Variants in GALNT13 observed in about 807,000 individuals in gnomAD.
GALNT13 encodes the protein polypeptide N-acetylgalactosaminyltransferase 13.
GALNT13 carries 28 observed loss-of-function variants against 64.2 expected under a neutral mutation model. The observed-to-expected ratio is 0.44, with a 90% CI of 0.32 to 0.60. GALNT13 has a LOEUF of 0.60. Among genes scored for constraint, GALNT13 ranks in the 20% least tolerant of loss-of-function variants. GALNT13 has a pLI of 0.05. For synonymous variants in GALNT13, 214 were observed against 224.6 expected, an observed-to-expected ratio of 0.95 and a Z score of 0.42; for missense variants, 577 against 669.8, an observed-to-expected ratio of 0.86 and a Z score of 1.53.
At chr2:153,680,590 G>C in the GALNT13 span, among the ~76,000 whole-genome samples, 1 of 151,822 alleles carries the variant, frequency 6.6e-6, no homozygotes, top group Non-Finnish European at 1.5e-5. Flanking sequence ...ATTGCCCATA[G>C]GCTGTCATAA....
intron 9 of GALNT13, among the ~76,000 whole-genome samples, chr2:154,376,642 C>T (rs887972654): frequency 1.3e-5 from 2 of 151,854 alleles, no homozygotes; most frequent in African/African-American, 4.8e-5. Flanking sequence ...CCAAAGAAAA[C>T]AAGCAAATTA....
chr2:154,033,866 G>T (rs368282707), intron 3 of GALNT13, among the ~76,000 whole-genome samples: 12 of 152,184 alleles, frequency 7.9e-5, no homozygotes, highest in African/African-American at 2.2e-4. Flanking sequence ...TTGAACCCGG[G>T]GGGTGGAGGT....
chr2:153,554,891 G>T, the GALNT13 span, among the ~76,000 whole-genome samples: 3 of 152,148 alleles, frequency 2.0e-5, no homozygotes, highest in African/African-American at 7.2e-5. Context: ...ATGTGTACGA[G>T]AGAAAATTTT....
chr2:153,400,794 T>G, the GALNT13 span, among the ~76,000 whole-genome samples: 1 of 152,084 alleles, frequency 6.6e-6, no homozygotes, highest in Non-Finnish European at 1.5e-5. Flanking sequence ...TTTTTTATTG[T>G]GTCTATTTGA....
At chr2:153,536,724 G>A in the GALNT13 span, among the ~76,000 whole-genome samples, 1 of 151,962 alleles carries the variant, frequency 6.6e-6, no homozygotes, top group African/African-American at 2.4e-5. Context: ...CTACTCTCAG[G>A]GTACTTACAC....
the GALNT13 span, among the ~76,000 whole-genome samples, chr2:153,556,200 A>G: frequency 6.4e-4 from 97 of 152,198 alleles, no homozygotes; most frequent in Non-Finnish European, 1.1e-3. Flanking sequence ...AGAATTACAT[A>G]TGATAGCCCA....
intron 1 of GALNT13, among the ~76,000 whole-genome samples, chr2:153,891,796 T>C (rs1687570073): frequency 6.6e-6 from 1 of 152,012 alleles, no homozygotes; most frequent in Admixed American, 6.6e-5. Flanking sequence ...TTCTTTAGCA[T>C]ATCATTCAAG....
the GALNT13 span, among the ~76,000 whole-genome samples, chr2:153,362,164 C>G: frequency 1.6e-4 from 24 of 152,084 alleles, no homozygotes; most frequent in Admixed American, 1.2e-3. Context: ...TTCAGACAAG[C>G]AAATATAGGG....
the GALNT13 span, among the ~76,000 whole-genome samples, chr2:153,411,230 T>A: frequency 2.0e-5 from 3 of 151,200 alleles, no homozygotes; most frequent in African/African-American, 7.3e-5. Flanking sequence ...ATATAGTAAA[T>A]TCATTCATTA....
chr2:154,199,166 CATCATGGTATGTTT>C (rs1272195599), intron 4 of GALNT13, among the ~76,000 whole-genome samples: 1 of 151,678 alleles, frequency 6.6e-6, no homozygotes, highest in African/African-American at 2.4e-5. Flanking sequence ...TAAAAATAAT[CATCATGGTATGTTT>C]AGAAAACTGA....
the GALNT13 span, among the ~76,000 whole-genome samples, chr2:153,069,677 A>G: frequency 6.6e-6 from 1 of 152,210 alleles, no homozygotes; most frequent in Non-Finnish European, 1.5e-5. Context: ...TGTAAGCTGC[A>G]CAAGGTGGAG....
intron 9 of GALNT13, among the ~76,000 whole-genome samples, chr2:154,381,002 A>G (rs547792885): frequency 6.6e-6 from 1 of 152,096 alleles, no homozygotes; most frequent in East Asian, 1.9e-4. Context: ...GCAGAGAGTA[A>G]ATAGAGTTCC....
the GALNT13 span, among the ~76,000 whole-genome samples, chr2:153,402,979 G>A: frequency 4.6e-5 from 7 of 151,732 alleles, no homozygotes; most frequent in South Asian, 2.1e-4. Context: ...GAGGAACTGC[G>A]TTCCTTTGGA....
the GALNT13 span, among the ~76,000 whole-genome samples, chr2:153,549,531 T>C: frequency 2.0e-5 from 3 of 152,146 alleles, no homozygotes; most frequent in African/African-American, 4.8e-5. Context: ...CCAAGAGAAA[T>C]TGTGGCTTGC....
chr2:153,857,521 A>G, the GALNT13 span, among the ~76,000 whole-genome samples: 1 of 152,330 alleles, frequency 6.6e-6, no homozygotes, highest in East Asian at 1.9e-4. Flanking sequence ...GGGCCAAAGC[A>G]TTCGTAAAAA....
At chr2:154,065,984 A>C (rs1700443361) in intron 3 of GALNT13, among the ~76,000 whole-genome samples, 1 of 152,236 alleles carries the variant, frequency 6.6e-6, no homozygotes, top group African/African-American at 2.4e-5. Context: ...AAGATAACAA[A>C]GAGAAAGAAT....
chr2:153,178,247 T>C, the GALNT13 span, among the ~76,000 whole-genome samples: 15 of 152,220 alleles, frequency 9.9e-5, no homozygotes, highest in Non-Finnish European at 1.2e-4. Context: ...CTGGATCATA[T>C]GATAATATTG....
chr2:153,341,044 T>C, the GALNT13 span, among the ~76,000 whole-genome samples: 1 of 152,176 alleles, frequency 6.6e-6, no homozygotes, highest in South Asian at 2.1e-4. Context: ...GTGACTGTCA[T>C]GCATGCTAAA....
the GALNT13 span, among the ~76,000 whole-genome samples, chr2:153,136,901 A>C: frequency 7.3e-6 from 1 of 137,668 alleles, no homozygotes. Flanking sequence ...AACAGTGAGG[A>C]ATGAGCAGTG....
Sources: gnomAD v4.1 joint callset for allele counts (sites outside exome capture counted in the v4.1 genomes callset) on GRCh38, gnomAD v4.1.1 for gene constraint, MANE v1.5 for transcripts, NCBI Gene and HGNC (gene_info 2026-07-23, HGNC 2026-07-21) for gene names.